SLC8B1: variants seen among roughly 807,000 people sequenced by gnomAD.
The protein encoded by SLC8B1 is mitochondrial sodium/calcium exchanger protein.
Under a neutral mutation model 63.4 loss-of-function variants are expected in SLC8B1, and 52 were observed. That is an observed-to-expected ratio of 0.82 (90% CI 0.66 to 1.03). SLC8B1 has a LOEUF of 1.03. SLC8B1 is among the 50% of genes least tolerant of loss of function. The pLI is 0.00. For missense variants in SLC8B1, 657 were observed against 741.7 expected (o/e 0.89, Z 1.33); for synonymous variants, 336 against 323.9 (o/e 1.04, Z -0.40).
Position 113,315,331 on chromosome 12 carries a change from T to A in SLC8B1, c.1135+4A>T, listed in dbSNP as rs1334279200. 4 of 1,528,898 alleles carry A rather than the reference T, an allele frequency of 2.6e-6. No individual in the cohort carries two copies. Among genetic ancestry groups the A allele is most frequent in the Non-Finnish European group, 3.5e-6 (4 of 1,134,682 alleles). 94.7% of individuals were successfully genotyped at this position (1,528,898 alleles called of 1,614,324 possible). A position where few individuals can be genotyped will look rare whatever the true frequency, so the allele number is the denominator to read the frequency against. On this transcript the variant is annotated splice_donor_region_variant and intron_variant, in intron 11 of 15. Transcript: ENST00000680972. The stretch of plus-strand genomic sequence containing the variant: ...TGGGTTGGCCCGGGGTAGGGGATAC[T>A]CACAGGTCCCCGACTGCAGGGTCAG...
At chr12:113,304,426 CATAACCCA>C in intron 14 of SLC8B1, 41 bp from the exon 15 acceptor site, 3 of 1,572,154 alleles carry the variant, frequency 1.9e-6, no homozygotes, top group Non-Finnish European at 2.6e-6. Flanking sequence ...ATGGCCTGCA[CATAACCCA>C]ACCACATAGC....
Position 113,320,881 on chromosome 12 carries a change from GA to G in SLC8B1, c.388del (p.Ser130LeufsTer4). 1 of 1,607,240 alleles carries G rather than the reference GA, an allele frequency of 6.2e-7. No individual in the cohort carries two copies. The highest frequency in any genetic ancestry group is 8.5e-7 in the Non-Finnish European group (1 of 1,177,684). ...KFFCPNLSAI[S>X]TTLKLSHNVA... ...GTTGTGGGAGAGCTTCAGTGTGGTA[GA>G]AATGGCCGACAAGTTGGGGCAGAAA... is the stretch of plus-strand genomic sequence containing the variant. On this transcript the variant is annotated frameshift_variant, in exon 5 of 16. Coordinates refer to ENST00000680972, the MANE Select transcript of SLC8B1 (RefSeq NM_001358345.2). LOFTEE classifies it high-confidence loss of function. The surrounding 1 kb of genome is among the most constrained non-coding windows in gnomAD (Gnocchi z 5.3).
intron 8 of SLC8B1, among the ~76,000 whole-genome samples, chr12:113,317,827 A>ATTGTGTATGTGAGTGCATGAAT (rs1351795191): frequency 0.01 from 1,579 of 150,732 alleles, 36 homozygotes; most frequent in African/African-American, 0.036. Flanking sequence ...ATTTGTGTGT[A>ATTGTGTATGTGAGTGCATGAAT]TTGTGTATGT....
intron 2 of SLC8B1, among the ~76,000 whole-genome samples, chr12:113,331,516 A>C (rs756013687): frequency 6.6e-6 from 1 of 152,072 alleles, no homozygotes; most frequent in Non-Finnish European, 1.5e-5. Flanking sequence ...ATGTGGAAAG[A>C]CTAGACTGGC....
rs1339261496 is a variant in SLC8B1, at chr12:113,306,482, C to T, written c.1492+13G>A. On this transcript the variant is annotated intron_variant, in intron 14 of 15. Coordinates refer to ENST00000680972, the MANE Select transcript of SLC8B1 (RefSeq NM_001358345.2). ...CACCAGTGCTAAGGCCAAGAACAGA[C>T]CACAAAGGATACTGAAGATGATGCC... The T allele has an allele frequency of 6.2e-7, 1 of 1,606,338 alleles. No homozygotes were observed. The highest frequency in any genetic ancestry group is 8.5e-7 in the Non-Finnish European group (1 of 1,175,784).
intron 11 of SLC8B1, among the ~76,000 whole-genome samples, chr12:113,313,826 A>C (rs1410047480): frequency 6.6e-6 from 1 of 151,916 alleles, no homozygotes; most frequent in Non-Finnish European, 1.5e-5. Context: ...ATGTGTGGGA[A>C]TCACTCTTTT....
At chr12:113,314,341 C>G (rs1386614289) in intron 11 of SLC8B1, among the ~76,000 whole-genome samples, 1 of 152,248 alleles carries the variant, frequency 6.6e-6, no homozygotes, top group Non-Finnish European at 1.5e-5. Context: ...GCACACAACA[C>G]CATGCCCAGC....
chr12:113,318,086 TTGTA>T (rs1335509407), intron 8 of SLC8B1, among the ~76,000 whole-genome samples: 2 of 152,198 alleles, frequency 1.3e-5, no homozygotes, highest in South Asian at 2.1e-4. Flanking sequence ...TTTGTGTCTG[TTGTA>T]TGTGTGCGCA....
intron 2 of SLC8B1, among the ~76,000 whole-genome samples, chr12:113,325,058 T>C (rs2136861873): frequency 6.6e-6 from 1 of 152,276 alleles, no homozygotes; most frequent in African/African-American, 2.4e-5. Context: ...TCTTTGAGCT[T>C]CAGTCTCATT....
chr12:113,333,674 C>T (rs1957089056), intron 1 of SLC8B1, among the ~76,000 whole-genome samples: 1 of 149,944 alleles, frequency 6.7e-6, no homozygotes, highest in Admixed American at 6.6e-5. Context: ...CCCCACCCTG[C>T]ACAGCAGGGA....
chr12:113,322,674 T>A (rs1389607756), intron 2 of SLC8B1, among the ~76,000 whole-genome samples: 1 of 152,032 alleles, frequency 6.6e-6, no homozygotes. Context: ...GGCCCGGGTG[T>A]GGTGGCTCAC....
intron 2 of SLC8B1, among the ~76,000 whole-genome samples, chr12:113,329,228 C>T (rs1029072363): frequency 1.3e-5 from 2 of 152,194 alleles, no homozygotes; most frequent in Non-Finnish European, 2.9e-5. Context: ...GATGAGAAAA[C>T]TGAGGCACAG....
At chr12:113,314,921 G>A (rs1011724044) in intron 11 of SLC8B1, among the ~76,000 whole-genome samples, 1 of 152,200 alleles carries the variant, frequency 6.6e-6, no homozygotes, top group South Asian at 2.1e-4. Flanking sequence ...TATGGCACAA[G>A]CGCATAGTAA....
Position 113,320,857 on chromosome 12 carries a change from T to C in SLC8B1, c.413A>G (p.Asn138Ser), listed in dbSNP as rs755053958. The C allele has an allele frequency of 4.4e-6, 7 of 1,604,594 alleles. No homozygotes were observed. Among genetic ancestry groups the C allele is most frequent in the South Asian group, 2.2e-5 (2 of 88,896 alleles). Residue 138 changes from asparagine to serine, a missense_variant, in exon 5 of 16, where the codon AAC becomes AGC. Asn to Ser is a conservative substitution (Grantham distance 46). Coordinates refer to ENST00000680972, the MANE Select transcript of SLC8B1 (RefSeq NM_001358345.2). This position sits in a 1 kb window ranked among gnomAD's most constrained non-coding sequence, Gnocchi z 5.3. ...AISTTLKLSH[N>S]VAGVTFLAFG... is the part of the protein sequence containing the mutation. ...CACTGGACAAAAGGATACTGCCACG[T>C]TGTGGGAGAGCTTCAGTGTGGTAGA...
intron 11 of SLC8B1, among the ~76,000 whole-genome samples, chr12:113,312,478 T>A (rs1221451104): frequency 1.3e-5 from 2 of 151,760 alleles, no homozygotes; most frequent in South Asian, 4.2e-4. Flanking sequence ...CCACAACATA[T>A]GAAAAGCAGC....
In SLC8B1 at chr12:113,299,924, G is replaced by A. The variant is rs773718616; in HGVS notation, c.1608C>T (p.Leu536=). The A allele has an allele frequency of 3.3e-5, 53 of 1,613,914 alleles. No individual in the cohort carries two copies. Among genetic ancestry groups the A allele is most frequent in the Middle Eastern group, 3.3e-4 (2 of 5,984 alleles). The change falls in exon 16 of 16, where the codon CTC becomes CTT. Residue 536 remains leucine (L), a synonymous_variant. Transcript: ENST00000680972. ...CTGAGACCAGGGAGAAGACGAGGCT[G>A]AGCCCCAGGGCGCCTGCCAGGACCC... ...LVWVLAGALG[L]SLVFSLVSVP... is the part of the protein sequence containing the mutation.
intron 2 of SLC8B1, among the ~76,000 whole-genome samples, chr12:113,321,962 G>A (rs1041829868): frequency 6.6e-6 from 1 of 152,066 alleles, no homozygotes; most frequent in Non-Finnish European, 1.5e-5. Context: ...GGAGGTTGAG[G>A]TGGGAGGATT....
At chr12:113,312,576 C>G (rs1465221250) in intron 11 of SLC8B1, among the ~76,000 whole-genome samples, 2 of 152,142 alleles carry the variant, frequency 1.3e-5, no homozygotes, top group African/African-American at 4.8e-5. Flanking sequence ...GTCACAGCAC[C>G]CCTTCAGGCT....
chr12:113,325,464 G>T (rs1956985090), intron 2 of SLC8B1, among the ~76,000 whole-genome samples: 1 of 151,962 alleles, frequency 6.6e-6, no homozygotes, highest in African/African-American at 2.4e-5. Flanking sequence ...GTCTTGCTAT[G>T]TTGCCTAGGC....
Sources: allele counts gnomAD v4.1 joint callset (sites outside exome capture counted in the v4.1 genomes callset), GRCh38; gene constraint gnomAD v4.1.1; non-coding constraint Gnocchi (gnomAD v3.1); transcripts MANE v1.5; gene names NCBI Gene and HGNC (gene_info 2026-07-23, HGNC 2026-07-21).